The following SIN3A variants were observed in gnomAD, a reference collection of about 807,000 sequenced individuals.
SIN3A encodes the protein paired amphipathic helix protein Sin3a.
In SIN3A, 14 loss-of-function variants were observed where a neutral mutation model predicts 146.1. The observed-to-expected ratio is 0.10, with a 90% CI of 0.06 to 0.15. The LOEUF (loss-of-function observed/expected upper bound fraction) is 0.15. SIN3A is among the 10% of genes least tolerant of loss of function. SIN3A has a pLI of 1.00. For missense variants in SIN3A, 1,028 were observed against 1,576.0 expected (o/e 0.65, Z 5.89); for synonymous variants, 572 against 572.0 (o/e 1.00, Z 0.00).
At chr15:75,382,233 T>C (rs1407589741) in intron 17 of SIN3A, among the ~76,000 whole-genome samples, 2 of 152,350 alleles carry the variant, frequency 1.3e-5, no homozygotes, top group East Asian at 3.9e-4. Context: ...TCAATATACA[T>C]GCAGAGCCAG....
chr15:75,400,853 G>T lies in SIN3A; in HGVS notation c.1614C>A (p.Ala538=). ...CTATCTCCATAGCAATGCCCTCTGT[G>T]GCTCGCTCCTTTGGATAAGTTTCCA... ...VHLETYPKER[A]TEGIAMEIDY... Residue 538 remains alanine (A), a synonymous_variant, in exon 11 of 21, where the codon GCC becomes GCA. Transcript: ENST00000394947. 1 of 1,614,100 alleles carries T rather than the reference G, an allele frequency of 6.2e-7. No individual in the cohort carries two copies. Among genetic ancestry groups the T allele is most frequent in the Non-Finnish European group, 8.5e-7 (1 of 1,179,986 alleles).
At chr15:75,426,556 A>G (rs2073928906) in intron 2 of SIN3A, among the ~76,000 whole-genome samples, 1 of 152,228 alleles carries the variant, frequency 6.6e-6, no homozygotes, top group Non-Finnish European at 1.5e-5. Flanking sequence ...ATGCTGAAGT[A>G]GAAAGATATC....
At chr15:75,438,741 C>T (rs1270267994) in intron 1 of SIN3A, among the ~76,000 whole-genome samples, 1 of 151,924 alleles carries the variant, frequency 6.6e-6, no homozygotes, top group Non-Finnish European at 1.5e-5. Flanking sequence ...ACTCTTAGAA[C>T]AAAAAATAAA....
chr15:75,382,169 CAG>C (rs1415921090), intron 17 of SIN3A, among the ~76,000 whole-genome samples: 6 of 152,190 alleles, frequency 3.9e-5, no homozygotes, highest in Non-Finnish European at 5.9e-5. Context: ...TCATTTTACA[CAG>C]AGACAAAACT....
At position 75,399,911 on chromosome 15, in the gene SIN3A, A is replaced by G. The variant is rs369520822; in HGVS notation, c.1854+129T>C. Reference sequence around the variant, plus strand: ...TGCATAAAGCATGGAAAGTACCACAACAAGCACTTACCATAGAAGAATGTG... The same window carrying G: ...TGCATAAAGCATGGAAAGTACCACAGCAAGCACTTACCATAGAAGAATGTG... On this transcript the variant is annotated intron_variant, in intron 12 of 20. Transcript: ENST00000394947. The G allele has an allele frequency of 5.3e-5, 35 of 662,266 alleles. No individual in the cohort carries two copies. The African/African-American group carries it at 5.5e-4, about 10-fold the overall frequency. 41.0% of individuals were successfully genotyped at this position (662,266 alleles called of 1,614,324 possible). A position where few individuals can be genotyped will look rare whatever the true frequency, so the allele number is the denominator to read the frequency against.
At chr15:75,452,605 C>T (rs767149799), upstream of SIN3A, among the ~76,000 whole-genome samples, 8 of 152,180 alleles carry the variant, frequency 5.3e-5, no homozygotes, top group Non-Finnish European at 1.2e-4. Context: ...AAGTAAACTC[C>T]CTAGAGCTGA....
At chr15:75,415,854 G>GA (rs397946961) in intron 3 of SIN3A, 33,610 of 96,006 alleles carry the variant, frequency 0.35, 6,228 homozygotes, top group African/African-American at 0.54. Context: ...TCGGTCTCAG[G>GA]AAAAAAAAAA....
intron 2 of SIN3A, among the ~76,000 whole-genome samples, chr15:75,427,227 G>A (rs2141558832): frequency 6.6e-6 from 1 of 152,206 alleles, no homozygotes; most frequent in South Asian, 2.1e-4. Context: ...ACAAAAATTA[G>A]CCGGGCATGG....
intron 9 of SIN3A, among the ~76,000 whole-genome samples, chr15:75,404,768 T>A (rs368888268): frequency 4.7e-5 from 7 of 148,106 alleles, no homozygotes; most frequent in South Asian, 2.1e-4. Context: ...AGAAAAAAAA[T>A]AAAAAAAAAA....
chr15:75,394,699 A>G lies in SIN3A; in HGVS notation c.2258T>C (p.Ile753Thr). 6.2e-7 allele frequency: 1 copy of G among 1,613,490 alleles called. No individual in the cohort carries two copies. The highest frequency in any genetic ancestry group is 8.5e-7 in the Non-Finnish European group (1 of 1,179,764). Residue 753 changes from isoleucine (I) to threonine (T), a missense_variant, in exon 14 of 21, where the codon ATT becomes ACT. By Grantham distance (89) the Ile-to-Thr change is moderately conservative (BLOSUM62 -1). Transcript: ENST00000394947. ...VLRSKSLLNE[I>T]ESIYDERQEQ... Reference sequence around the variant, plus strand: ...GCTCACCTCATCATAGATACTCTCAATCTCATTGAGTAAGCTCTTAGACCT... The same window carrying G: ...GCTCACCTCATCATAGATACTCTCAGTCTCATTGAGTAAGCTCTTAGACCT...
chr15:75,436,874 A>G (rs2074117255), intron 1 of SIN3A, among the ~76,000 whole-genome samples: 1 of 152,194 alleles, frequency 6.6e-6, no homozygotes, highest in Non-Finnish European at 1.5e-5. Context: ...AAGACTCTAT[A>G]AAGGTAAATA....
rs371303321 is a variant in SIN3A at position 75,402,013 on chromosome 15, A to G, written c.1408-43T>C. On this transcript the variant is annotated intron_variant, in intron 9 of 20. Transcript: ENST00000394947. ...AAGAAAAACAGTTTTTGTTTTTCTT[A>G]AAGTGGGGAACTGAAAAGGGCCTCG... 9.9e-6 allele frequency: 13 copies of G among 1,313,880 alleles called. No individual in the cohort carries two copies. In the African/African-American group the frequency reaches 1.6e-4, roughly 16 times the overall value. The allele number at this position is 1,313,880 out of a possible 1,614,324, so 81.4% of individuals were successfully genotyped here.
At chr15:75,409,728 A>G in intron 8 of SIN3A, 108 bp downstream of exon 8, 1 of 1,338,690 alleles carries the variant, frequency 7.5e-7, no homozygotes, top group Admixed American at 2.2e-5. Flanking sequence ...CTCGGTCTCA[A>G]AAAAACAAAA....
intron 9 of SIN3A, 127 bp from the exon 10 acceptor site, chr15:75,402,097 C>G: frequency 3.1e-6 from 2 of 642,056 alleles, no homozygotes; most frequent in Non-Finnish European, 5.5e-6. Flanking sequence ...GCCTCCCATC[C>G]TCAGCCTCCC....
chr15:75,372,231 T>A lies in SIN3A; in HGVS notation c.3592-22A>T, dbSNP rs764037801. The A allele has an allele frequency of 2.7e-5, 40 of 1,498,720 alleles. No homozygotes were observed. The South Asian group carries it at 2.8e-4, about 11-fold the overall frequency. 92.8% of individuals were successfully genotyped at this position (1,498,720 alleles called of 1,614,324 possible). A position where few individuals can be genotyped will look rare whatever the true frequency, so the allele number is the denominator to read the frequency against. ...GGGACTGCAAAACAGAAAAAAAAAA[T>A]TTTATTAAATGAAGCAGAACCAAAA... On this transcript the variant is annotated intron_variant, in intron 20 of 20. Transcript: ENST00000394947.
chr15:75,437,446 C>T (rs924981903), intron 1 of SIN3A, among the ~76,000 whole-genome samples: 1 of 152,194 alleles, frequency 6.6e-6, no homozygotes, highest in Non-Finnish European at 1.5e-5. Flanking sequence ...AGATTATAGG[C>T]ATGAGCCACT....
intron 1 of SIN3A, among the ~76,000 whole-genome samples, chr15:75,430,854 CA>C: frequency 6.6e-6 from 1 of 151,986 alleles, no homozygotes; most frequent in Non-Finnish European, 1.5e-5. Context: ...CGGCTCACTG[CA>C]AGATCCACCT....
chr15:75,392,211 T>C (rs373090540), intron 15 of SIN3A, 31 bp downstream of exon 15: 14 of 1,590,370 alleles, frequency 8.8e-6, no homozygotes, highest in South Asian at 2.3e-5. Flanking sequence ...ACCTCACACA[T>C]CCTCTGTAAA....
At chr15:75,453,687 C>T (rs1466570515), upstream of SIN3A, 2 of 152,316 alleles carry the variant, frequency 1.3e-5, no homozygotes, top group African/African-American at 4.8e-5. Flanking sequence ...GCAGCGTCTG[C>T]AGAGTTCTCG....
Sources: allele counts gnomAD v4.1 joint callset (sites outside exome capture counted in the v4.1 genomes callset), GRCh38; gene constraint gnomAD v4.1.1; transcripts MANE v1.5; gene names NCBI Gene and HGNC (gene_info 2026-07-23, HGNC 2026-07-21).